Variants in CXADR observed in about 807,000 individuals in gnomAD.
CXADR encodes CXADR cell adhesion molecule.
In CXADR, 20 loss-of-function variants were observed where a neutral mutation model predicts 40.3. The ratio of observed to expected loss-of-function variants is 0.50; its 90% confidence interval spans 0.35 to 0.72. CXADR has a LOEUF of 0.72. Ranked by LOEUF, CXADR falls within the 30% of genes least tolerant of loss-of-function variation. CXADR has a pLI of 0.01. For missense variants in CXADR, 332 were observed against 449.1 expected (o/e 0.74, Z 2.36); for synonymous variants, 150 against 161.3 (o/e 0.93, Z 0.53).
At chr21:17,543,521 A>AT (rs968490500) in intron 1 of CXADR, among the ~76,000 whole-genome samples, 3 of 152,160 alleles carry the variant, frequency 2.0e-5, no homozygotes, top group African/African-American at 4.8e-5. Context: ...ATTGATAGCA[A>AT]TTTTTTATTC....
the CXADR span, among the ~76,000 whole-genome samples, chr21:17,633,765 A>G: frequency 2.6e-5 from 4 of 152,130 alleles, no homozygotes; most frequent in African/African-American, 9.7e-5. Context: ...CTTTGAGCCA[A>G]TTCATCTCCC....
the CXADR span, among the ~76,000 whole-genome samples, chr21:17,621,826 T>A: frequency 6.6e-6 from 1 of 152,228 alleles, no homozygotes; most frequent in South Asian, 2.1e-4. Flanking sequence ...CAGTTCCAAG[T>A]ATTTTGTTGT....
At chr21:17,631,521 T>A in the CXADR span, among the ~76,000 whole-genome samples, 1 of 152,334 alleles carries the variant, frequency 6.6e-6, no homozygotes, top group East Asian at 1.9e-4. Context: ...TCTTTTTTAA[T>A]GAAATAATTT....
chr21:17,552,634 A>C (rs1251758920), intron 3 of CXADR, among the ~76,000 whole-genome samples: 1 of 152,216 alleles, frequency 6.6e-6, no homozygotes, highest in Non-Finnish European at 1.5e-5. Flanking sequence ...CTAAAACCAT[A>C]CTGTGGTAAG....
intron 3 of CXADR, among the ~76,000 whole-genome samples, chr21:17,553,917 A>G (rs966755519): frequency 6.6e-6 from 1 of 152,112 alleles, no homozygotes; most frequent in East Asian, 1.9e-4. Context: ...GCACCCAGCT[A>G]CCTGGTCTGA....
intron 1 of CXADR, among the ~76,000 whole-genome samples, chr21:17,523,111 G>T (rs2060552000): frequency 6.6e-6 from 1 of 152,050 alleles, no homozygotes; most frequent in Non-Finnish European, 1.5e-5. Flanking sequence ...GCCTCCTGTT[G>T]AGTGAACTTT....
chr21:17,526,002 C>CT (rs34920116), intron 1 of CXADR, among the ~76,000 whole-genome samples: 1 of 152,142 alleles, frequency 6.6e-6, no homozygotes, highest in African/African-American at 2.4e-5. Context: ...ACAAAATATG[C>CT]TTTTTTCCCC....
rs528616262 is a variant in CXADR, at chr21:17,587,009, G to A, written c.1018-6143G>A. On this transcript the variant is annotated intron_variant, in intron 7 of 7. Transcript: ENST00000400169. Reference sequence around the variant, plus strand: ...CGGTGTTTGGTTTTTTGTCCTTGCAGTAGTTTGCTGAGAATGATGGATTCC... The same window carrying A: ...CGGTGTTTGGTTTTTTGTCCTTGCAATAGTTTGCTGAGAATGATGGATTCC... Among the ~76,000 whole-genome samples the A allele has an allele frequency of 7.2e-5, 11 of 152,098 alleles. No individual in the cohort carries two copies. The East Asian group carries it at 1.9e-3, about 27-fold the overall frequency.
At chr21:17,551,575 T>C (rs1298550811) in intron 2 of CXADR, among the ~76,000 whole-genome samples, 174 bp from the exon 3 acceptor site, 1 of 152,158 alleles carries the variant, frequency 6.6e-6, no homozygotes, top group Admixed American at 6.5e-5. Context: ...TTCCTTTCCA[T>C]TTTCTCGTTC....
intron 1 of CXADR, among the ~76,000 whole-genome samples, chr21:17,530,875 A>G (rs2060665508): frequency 6.6e-6 from 1 of 152,224 alleles, no homozygotes; most frequent in Non-Finnish European, 1.5e-5. Context: ...ATGCATATGC[A>G]CATAAATTTC....
the CXADR span, among the ~76,000 whole-genome samples, chr21:17,625,483 A>G: frequency 6.6e-6 from 1 of 152,218 alleles, no homozygotes; most frequent in Non-Finnish European, 1.5e-5. Context: ...ACCCCAAAAT[A>G]TGTACAACTG....
intron 2 of CXADR, among the ~76,000 whole-genome samples, chr21:17,547,541 A>G (rs947366156): frequency 6.6e-6 from 1 of 152,202 alleles, no homozygotes; most frequent in South Asian, 2.1e-4. Context: ...TGACGTTGAG[A>G]CAGGAGTGTG....
At chr21:17,514,862 G>T (rs970790329) in intron 1 of CXADR, among the ~76,000 whole-genome samples, 1 of 152,088 alleles carries the variant, frequency 6.6e-6, no homozygotes, top group Non-Finnish European at 1.5e-5. Flanking sequence ...GACCTCAGGT[G>T]ATCCGCCTCC....
At chr21:17,564,816 C>A (rs971948379) in intron 6 of CXADR, among the ~76,000 whole-genome samples, 2 of 152,180 alleles carry the variant, frequency 1.3e-5, no homozygotes, top group Non-Finnish European at 2.9e-5. Flanking sequence ...CTCACTGCAA[C>A]TTTGGCCTCC....
intron 4 of CXADR, among the ~76,000 whole-genome samples, chr21:17,559,653 T>C (rs974102435): frequency 6.7e-5 from 10 of 148,302 alleles, no homozygotes; most frequent in Non-Finnish European, 1.3e-4. Context: ...TTAGTTACTT[T>C]GGTACTTTTT....
At chr21:17,630,484 G>C in the CXADR span, among the ~76,000 whole-genome samples, 1 of 151,924 alleles carries the variant, frequency 6.6e-6, no homozygotes, top group African/African-American at 2.4e-5. Flanking sequence ...AGTAATTCCT[G>C]GTATTTTTGG....
chr21:17,563,947 A>AAAG (rs2061163645), intron 6 of CXADR, among the ~76,000 whole-genome samples: 1 of 147,756 alleles, frequency 6.8e-6, no homozygotes, highest in African/African-American at 2.4e-5. Flanking sequence ...TCTCAAAAAA[A>AAAG]AAAAAAAAAA....
the CXADR span, chr21:17,612,388 T>C: frequency 6.6e-6 from 1 of 151,950 alleles, no homozygotes; most frequent in Non-Finnish European, 1.5e-5. Flanking sequence ...AGCCGCGGGG[T>C]TGTCGCCCAC....
chr21:17,568,085 TA>T lies in CXADR; in HGVS notation c.*2396del, dbSNP rs1263337137. On this transcript the variant is annotated 3_prime_UTR_variant, in exon 7 of 7. Coordinates refer to ENST00000284878, the MANE Select transcript of CXADR (RefSeq NM_001338.5). ...ATCAAGTAGTTGAACAAAAAATTAC[TA>T]AAGCATTTCCGTTAGATCAGTCAAG... 7 of 926,532 alleles carry T rather than the reference TA, an allele frequency of 7.6e-6. No individual in the cohort carries two copies. Among genetic ancestry groups the T allele is most frequent in the Non-Finnish European group, 9.0e-6 (7 of 779,264 alleles). 57.4% of individuals were successfully genotyped at this position (926,532 alleles called of 1,614,324 possible).
Sources: allele counts gnomAD v4.1 joint callset (sites outside exome capture counted in the v4.1 genomes callset), GRCh38; gene constraint gnomAD v4.1.1; transcripts MANE v1.5; gene names NCBI Gene and HGNC (gene_info 2026-07-23, HGNC 2026-07-21).